Variants in PDE10A observed in about 807,000 individuals in gnomAD.
PDE10A encodes cAMP and cAMP-inhibited cGMP 3',5'-cyclic phosphodiesterase 10A.
In PDE10A, 39 loss-of-function variants were observed where a neutral mutation model predicts 97.7. That is an observed-to-expected ratio of 0.40 (90% CI 0.31 to 0.52). The LOEUF (loss-of-function observed/expected upper bound fraction) is 0.52. PDE10A is among the 20% of genes least tolerant of loss of function. The pLI, the probability that PDE10A is intolerant of heterozygous loss-of-function variation, is 0.56. For synonymous variants in PDE10A, 371 were observed against 376.8 expected (o/e 0.98, Z 0.18); for missense variants, 731 against 1,047.8 (o/e 0.70, Z 4.17).
Position 165,502,413 on chromosome 6 carries a change from T to A in PDE10A, c.995-20070A>T, listed in dbSNP as rs914250534. Among the ~76,000 whole-genome samples the A allele has an allele frequency of 4.0e-4, 61 of 152,168 alleles. 1 individual carries two copies. Among genetic ancestry groups the A allele is most frequent in the Non-Finnish European group, 1.3e-4 (9 of 68,024 alleles). ...ATAAAATTCTCTTACAACTCAATAC[T>A]AAGAGGATGAATACTCAAATATACA... On this transcript the variant is annotated intron_variant, in intron 2 of 21. Transcript: ENST00000539869.
intron 18 of PDE10A, among the ~76,000 whole-genome samples, chr6:165,360,343 C>G (rs1783323662): frequency 6.6e-6 from 1 of 152,198 alleles, no homozygotes; most frequent in Non-Finnish European, 1.5e-5. Flanking sequence ...AGCACAATTC[C>G]CACATCTCCC....
At chr6:165,355,742 A>G (rs537401868) in intron 18 of PDE10A, among the ~76,000 whole-genome samples, 10 of 152,330 alleles carry the variant, frequency 6.6e-5, no homozygotes, top group South Asian at 4.1e-4. Context: ...AGAACACAGT[A>G]TAAGAACATG....
At chr6:165,729,350 T>C (rs1056134618) in intron 1 of PDE10A, among the ~76,000 whole-genome samples, 3 of 152,324 alleles carry the variant, frequency 2.0e-5, no homozygotes, top group Admixed American at 6.5e-5. Context: ...TATAAACAGA[T>C]TAAACATTTT....
chr6:165,389,398 G>T (rs886576544), intron 16 of PDE10A, among the ~76,000 whole-genome samples: 5 of 152,186 alleles, frequency 3.3e-5, no homozygotes, highest in Non-Finnish European at 7.3e-5. Context: ...CTTCTATGGG[G>T]TGATTAAAGT....
chr6:165,688,076 A>T (rs116625683), intron 1 of PDE10A, among the ~76,000 whole-genome samples: 5,210 of 152,316 alleles, frequency 0.034, 305 homozygotes, highest in African/African-American at 0.12. Context: ...CTCACCTGAG[A>T]CATGGAAAAC....
At chr6:165,522,965 C>T (rs1411496476) in intron 2 of PDE10A, among the ~76,000 whole-genome samples, 1 of 152,008 alleles carries the variant, frequency 6.6e-6, no homozygotes, top group South Asian at 2.1e-4. Context: ...AATAGTGTTT[C>T]TATATACCAA....
chr6:165,633,087 AAAAAG>A (rs898630327), intron 1 of PDE10A, among the ~76,000 whole-genome samples: 5 of 152,108 alleles, frequency 3.3e-5, no homozygotes, highest in Non-Finnish European at 7.4e-5. Context: ...GTCAAAAAAA[AAAAAG>A]AAAAGAAAAA....
chr6:165,883,190 C>T (rs560415267), intron 1 of PDE10A, among the ~76,000 whole-genome samples: 12 of 152,162 alleles, frequency 7.9e-5, no homozygotes, highest in East Asian at 1.9e-4. Context: ...GAGCCAAGAT[C>T]GTGCCACTGC....
chr6:165,549,608 G>T (rs2128328027), intron 1 of PDE10A, among the ~76,000 whole-genome samples: 1 of 152,286 alleles, frequency 6.6e-6, no homozygotes, highest in East Asian at 1.9e-4. Flanking sequence ...ACAGACGTGA[G>T]CCACCATGCG....
At chr6:165,381,206 C>T (rs573968925) in intron 17 of PDE10A, among the ~76,000 whole-genome samples, 18 of 152,304 alleles carry the variant, frequency 1.2e-4, no homozygotes, top group African/African-American at 4.1e-4. Context: ...AAACTCACTG[C>T]AATTCTACAC....
At chr6:165,829,041 A>T (rs1779835613) in intron 1 of PDE10A, among the ~76,000 whole-genome samples, 1 of 152,212 alleles carries the variant, frequency 6.6e-6, no homozygotes, top group Admixed American at 6.5e-5. Flanking sequence ...CACCCTGCAG[A>T]TGAAGTGTTG....
intron 1 of PDE10A, among the ~76,000 whole-genome samples, chr6:165,954,643 G>A (rs1784074585): frequency 6.6e-6 from 1 of 152,230 alleles, no homozygotes; most frequent in South Asian, 2.1e-4. Context: ...GCCGACTCCA[G>A]CTTCATCTTG....
intron 3 of PDE10A, among the ~76,000 whole-genome samples, chr6:165,466,765 C>T (rs1778677068): frequency 1.3e-5 from 2 of 152,074 alleles, no homozygotes; most frequent in African/African-American, 4.8e-5. Flanking sequence ...ATTAGACAAA[C>T]CAATTAATAA....
At chr6:165,745,500 G>A (rs1024113582) in intron 1 of PDE10A, among the ~76,000 whole-genome samples, 4 of 151,944 alleles carry the variant, frequency 2.6e-5, no homozygotes, top group Non-Finnish European at 4.4e-5. Flanking sequence ...CTTTACCATC[G>A]ACTTAACTGA....
At chr6:165,517,551 C>A (rs1437994428) in intron 2 of PDE10A, among the ~76,000 whole-genome samples, 1 of 152,110 alleles carries the variant, frequency 6.6e-6, no homozygotes, top group Non-Finnish European at 1.5e-5. Context: ...TGTGGTACAT[C>A]CATACAACAA....
chr6:165,559,527 C>CT (rs956388334), intron 1 of PDE10A, among the ~76,000 whole-genome samples: 8 of 152,062 alleles, frequency 5.3e-5, no homozygotes, highest in African/African-American at 1.9e-4. Context: ...CATGAGAATA[C>CT]TTTTTTCAAC....
chr6:165,356,486 T>C (rs1783036288), intron 18 of PDE10A, among the ~76,000 whole-genome samples: 1 of 152,210 alleles, frequency 6.6e-6, no homozygotes, highest in Non-Finnish European at 1.5e-5. Context: ...TCTCACATTA[T>C]GTGGCTTGTC....
chr6:165,908,563 C>T (rs529299797), intron 1 of PDE10A, among the ~76,000 whole-genome samples: 2 of 152,326 alleles, frequency 1.3e-5, no homozygotes, highest in Admixed American at 6.5e-5. Context: ...GCACGGGCTG[C>T]ATGCGATAAC....
chr6:165,418,822 A>G lies in PDE10A; in HGVS notation c.1654-45T>C, dbSNP rs768332433. On this transcript the variant is annotated intron_variant, in intron 10 of 21. Transcript: ENST00000539869. This position sits in a 1 kb window ranked among gnomAD's most constrained non-coding sequence, Gnocchi z 4.8. ...TAAGAGGAAGACAATGAGACATTCA[A>G]AGAACTTGCAGGTAAACTTTATCAT... 5.0e-5 allele frequency: 76 copies of G among 1,525,792 alleles called. No individual in the cohort carries two copies. The African/African-American group carries it at 1.0e-3, about 20-fold the overall frequency. 94.5% of individuals were successfully genotyped at this position (1,525,792 alleles called of 1,614,324 possible).
Sources: allele counts gnomAD v4.1 joint callset (sites outside exome capture counted in the v4.1 genomes callset), GRCh38; gene constraint gnomAD v4.1.1; non-coding constraint Gnocchi (gnomAD v3.1); transcripts MANE v1.5; gene names NCBI Gene and HGNC (gene_info 2026-07-23, HGNC 2026-07-21).